FAM228A: variants seen among roughly 807,000 people sequenced by gnomAD.
FAM228A encodes the protein family with sequence similarity 228 member A, also known as protein FAM228A.
In FAM228A, 13 loss-of-function variants were observed where a neutral mutation model predicts 18.6. The ratio of observed to expected loss-of-function variants is 0.70; its 90% CI spans 0.45 to 1.11. The LOEUF is 1.11. Among genes scored for constraint, FAM228A ranks in the 50% least tolerant of loss-of-function variants. The pLI, the probability that FAM228A is intolerant of heterozygous loss-of-function variation, is 0.00. For synonymous variants in FAM228A, 77 were observed against 86.6 expected (o/e 0.89, Z 0.61); for missense variants, 240 against 242.2 (o/e 0.99, Z 0.06).
intron 2 of FAM228A, among the ~76,000 whole-genome samples, chr2:24,177,567 G>T (rs1667720297): frequency 6.6e-6 from 1 of 152,004 alleles, no homozygotes; most frequent in Non-Finnish European, 1.5e-5. Flanking sequence ...TCTGGGTGGG[G>T]GGGTGCTGAA....
intron 5 of FAM228A, among the ~76,000 whole-genome samples, chr2:24,189,909 G>T (rs1214619616): frequency 6.6e-6 from 1 of 152,096 alleles, no homozygotes; most frequent in Non-Finnish European, 1.5e-5. Context: ...CAGGCTGCTC[G>T]GGGGACGGAC....
chr2:24,190,455 G>C lies in FAM228A; in HGVS notation c.445G>C (p.Glu149Gln). ...TGCAGACAAGAAACAGAAAAGAAAA[G>C]AGAAAAAGACGGCCGACCTAAGTCA... ...IYADKKQKRKEKKTADLSQAA... is the reference protein window; with the variant it reads ...IYADKKQKRKQKKTADLSQAA... Residue 149 changes from glutamate to glutamine, a missense_variant, in exon 6 of 6, where the codon GAG becomes CAG. By Grantham distance (29) the Glu-to-Gln change is conservative. Coordinates refer to ENST00000295150, the MANE Select transcript of FAM228A (RefSeq NM_001040710.3). The C allele has an allele frequency of 1.2e-6, 2 of 1,613,922 alleles. No individual in the cohort carries two copies. Among genetic ancestry groups the C allele is most frequent in the Non-Finnish European group, 1.7e-6 (2 of 1,179,966 alleles).
At chr2:24,190,376 C>A in intron 5 of FAM228A, 36 bp from the exon 6 acceptor site, 1 of 1,561,396 alleles carries the variant, frequency 6.4e-7, no homozygotes, top group Admixed American at 2.0e-5. Context: ...TCCATCTGTG[C>A]TGAATCGAGA....
chr2:24,189,340 A>T (rs945035061), intron 5 of FAM228A, among the ~76,000 whole-genome samples: 5 of 152,236 alleles, frequency 3.3e-5, no homozygotes, highest in Admixed American at 3.3e-4. Flanking sequence ...TAAAAGGAAG[A>T]TTGATTAACC....
At position 24,190,605 on chromosome 2, in the gene FAM228A, G is replaced by C. The variant is rs548486197; in HGVS notation, c.595G>C (p.Glu199Gln). 1.9e-6 allele frequency: 3 copies of C among 1,588,934 alleles called. No homozygotes were observed. The South Asian group carries it at 3.5e-5, about 18-fold the overall frequency. ...GCATGCAGGGCTTTGCAGCACCCAC[G>C]AGCAGCACATACTGGTTCCAGAATG... ...GWHAGLCSTH[E>Q]QHILVPE The change falls in exon 6 of 6, where the codon GAG (glutamate) becomes CAG (glutamine). Residue 199 changes from glutamate (E) to glutamine (Q), a missense_variant. Transcript: ENST00000295150.
In FAM228A at chr2:24,175,184, G is replaced by A. The variant is rs1421856225; in HGVS notation, c.-15+10G>A. ...CCGGAGCTGGCCTGAGGTGGGGCCCGGGGAGGCCTACGGGCCTGGGGGTCG... is the reference window on the plus strand; with the variant it reads ...CCGGAGCTGGCCTGAGGTGGGGCCCAGGGAGGCCTACGGGCCTGGGGGTCG... On this transcript the variant is annotated intron_variant, in intron 1 of 5. Coordinates refer to ENST00000295150, the MANE Select transcript of FAM228A (RefSeq NM_001040710.3). The A allele has an allele frequency of 5.8e-6, 2 of 341,950 alleles. No individual in the cohort carries two copies. Among genetic ancestry groups the A allele is most frequent in the Non-Finnish European group, 5.4e-6 (1 of 185,002 alleles). 21.2% of individuals were successfully genotyped at this position (341,950 alleles called of 1,614,324 possible).
chr2:24,183,358 T>G lies in FAM228A; in HGVS notation c.236T>G (p.Leu79Arg). ...GTGGATGAAGAGAGGAGAACTGGTC[T>G]TCAGTGTGAGACAGGTGCTTTGTGA... ...QEVDEERRTG[L>R]QCETGKRHSI... is the part of the protein sequence containing the mutation. Residue 79 changes from leucine to arginine, a missense_variant, in exon 4 of 6, where the codon CTT becomes CGT. Transcript: ENST00000295150. The G allele has an allele frequency of 6.2e-7, 1 of 1,614,038 alleles. No homozygotes were observed. Among genetic ancestry groups the G allele is most frequent in the Non-Finnish European group, 8.5e-7 (1 of 1,179,878 alleles).
At chr2:24,176,374 A>G (rs1667692707) in intron 2 of FAM228A, among the ~76,000 whole-genome samples, 2 of 152,156 alleles carry the variant, frequency 1.3e-5, no homozygotes, top group African/African-American at 4.8e-5. Flanking sequence ...TTTTAGAGAC[A>G]GGTTCTTGCT....
rs145614078 is a variant in FAM228A at position 24,182,543 on chromosome 2, C to A, written c.163-742C>A. 9.2e-5 allele frequency among the ~76,000 whole-genome samples: 14 copies of A among 152,242 alleles called. 1 individual carries two copies. The South Asian group carries it at 2.3e-3, about 25-fold the overall frequency. Reference sequence around the variant, plus strand: ...GGGAAGAAAAAATACTTCTGTATGTCCCTACCCTTTGACACAAACTCATAG... The same window carrying A: ...GGGAAGAAAAAATACTTCTGTATGTACCTACCCTTTGACACAAACTCATAG... On this transcript the variant is annotated intron_variant, in intron 3 of 5. Coordinates refer to ENST00000295150, the MANE Select transcript of FAM228A (RefSeq NM_001040710.3).
chr2:24,177,625 T>A (rs1360322880), intron 2 of FAM228A, among the ~76,000 whole-genome samples, 177 bp from the exon 3 acceptor site: 1 of 152,104 alleles, frequency 6.6e-6, no homozygotes, highest in Non-Finnish European at 1.5e-5. Context: ...TTGGAATTAA[T>A]CACTCGAGCC....
At chr2:24,175,615 G>A (rs780005959) in intron 2 of FAM228A, 42 bp downstream of exon 2, 9 of 1,439,002 alleles carry the variant, frequency 6.3e-6, no homozygotes, top group South Asian at 4.6e-5. Context: ...TTGGCGGGGG[G>A]ACCCCTCGAG....
At chr2:24,184,819 G>A (rs1286753462) in intron 5 of FAM228A, among the ~76,000 whole-genome samples, 1 of 147,938 alleles carries the variant, frequency 6.8e-6, no homozygotes, top group Non-Finnish European at 1.5e-5. Context: ...TCCAAAAGCT[G>A]TATGGCCTTT....
Position 24,191,107 on chromosome 2 carries a change from G to T in FAM228A, c.*476G>T, listed in dbSNP as rs1286288170. ...GTATTTTTATATGTAGGAATTTTCT[G>T]AGTATGGATTTCTTATCCAGAGCTC... On this transcript the variant is annotated 3_prime_UTR_variant, in exon 6 of 6. Coordinates refer to ENST00000295150, the MANE Select transcript of FAM228A (RefSeq NM_001040710.3). 2.0e-6 allele frequency: 2 copies of T among 985,718 alleles called. No individual in the cohort carries two copies. The highest frequency in any genetic ancestry group is 2.4e-6 in the Non-Finnish European group (2 of 830,226). The allele number at this position is 985,718 out of a possible 1,614,324, so 61.1% of individuals were successfully genotyped here.
chr2:24,182,471 G>T (rs1382877945), intron 3 of FAM228A, among the ~76,000 whole-genome samples: 1 of 152,138 alleles, frequency 6.6e-6, no homozygotes, highest in Non-Finnish European at 1.5e-5. Context: ...TGCTGTGGGG[G>T]AAATGGAGGG....
chr2:24,177,734 A>G, intron 2 of FAM228A, 68 bp from the exon 3 acceptor site: 1 of 880,066 alleles, frequency 1.1e-6, no homozygotes, highest in Non-Finnish European at 1.8e-6. Flanking sequence ...GGTAAAGTAC[A>G]CTGAGTTTTG....
chr2:24,190,750 A>G lies in FAM228A; in HGVS notation c.*119A>G. On this transcript the variant is annotated 3_prime_UTR_variant, in exon 6 of 6. Coordinates refer to ENST00000295150, the MANE Select transcript of FAM228A (RefSeq NM_001040710.3). ...GCGGTGGCCTCAGGCTCAGCACTGC[A>G]GCTCTGACAGGGCCCCTCGGGCGGG... 4 of 1,371,760 alleles carry G rather than the reference A, an allele frequency of 2.9e-6. No individual in the cohort carries two copies. The highest frequency in any genetic ancestry group is 3.8e-6 in the Non-Finnish European group (4 of 1,058,162). The allele number at this position is 1,371,760 out of a possible 1,614,324, so 85.0% of individuals were successfully genotyped here. A position where few individuals can be genotyped will look rare whatever the true frequency, so the allele number is the denominator to read the frequency against.
In FAM228A at chr2:24,177,721, A is replaced by G. The variant is rs1336909439; in HGVS notation, c.94-81A>G. On this transcript the variant is annotated intron_variant, in intron 2 of 5. Transcript: ENST00000295150. ...AAGCCTCAAGATTTACACTAAAACTATTGGTAAAGTACACTGAGTTTTGTC... is the reference window on the plus strand; with the variant it reads ...AAGCCTCAAGATTTACACTAAAACTGTTGGTAAAGTACACTGAGTTTTGTC... 34 of 767,614 alleles carry G rather than the reference A, an allele frequency of 4.4e-5. No homozygotes were observed. The Admixed American group carries it at 7.4e-4, about 17-fold the overall frequency. 47.6% of individuals were successfully genotyped at this position (767,614 alleles called of 1,614,324 possible).
At chr2:24,190,366 T>A in intron 5 of FAM228A, 46 bp from the exon 6 acceptor site, 1 of 1,533,260 alleles carries the variant, frequency 6.5e-7, no homozygotes, top group South Asian at 1.3e-5. Flanking sequence ...ATGGTACAAT[T>A]CCATCTGTGC....
At chr2:24,188,907 C>T (rs566318609) in intron 5 of FAM228A, among the ~76,000 whole-genome samples, 61 of 152,234 alleles carry the variant, frequency 4.0e-4, no homozygotes, top group African/African-American at 1.4e-3. Flanking sequence ...CATTCCCCAT[C>T]CTGAGTTTTG....
Sources: allele counts gnomAD v4.1 joint callset (sites outside exome capture counted in the v4.1 genomes callset), GRCh38; gene constraint gnomAD v4.1.1; transcripts MANE v1.5; gene names NCBI Gene and HGNC (gene_info 2026-07-23, HGNC 2026-07-21).